Variants in NTN4 observed in about 807,000 individuals in gnomAD.
NTN4 encodes the protein netrin 4.
NTN4 carries 32 observed loss-of-function variants against 73.6 expected under a neutral mutation model. The ratio of observed to expected loss-of-function variants is 0.44; its 90% CI spans 0.33 to 0.58. NTN4 has a LOEUF of 0.58. NTN4 is among the 20% of genes least tolerant of loss of function. The probability of loss-of-function intolerance (pLI) is 0.04; values close to 1 mark genes in which losing one functional copy is unlikely to be tolerated. For synonymous variants in NTN4, 258 were observed against 287.5 expected, an observed-to-expected ratio of 0.90 and a Z score of 1.04; for missense variants, 654 against 798.3, an observed-to-expected ratio of 0.82 and a Z score of 2.18.
Position 95,670,132 on chromosome 12 carries a change from T to C in NTN4, c.1525A>G (p.Lys509Glu). 2 of 1,590,872 alleles carry C rather than the reference T, an allele frequency of 1.3e-6. No individual in the cohort carries two copies. Among genetic ancestry groups the C allele is most frequent in the Non-Finnish European group, 8.6e-7 (1 of 1,164,964 alleles). The change falls in exon 8 of 10, where the codon AAG becomes GAG. Residue 509 changes from lysine to glutamate, a missense_variant. Physicochemically the swap from Lys to Glu is moderately conservative, Grantham distance 56. Coordinates refer to ENST00000343702, the MANE Select transcript of NTN4 (RefSeq NM_021229.4). Reference protein sequence around the residue: ...ALLHSGKCECKEQTLGNAKAF... With the variant: ...ALLHSGKCECEEQTLGNAKAF... ...TTGGCATTTCCTAATGTCTGTTCCT[T>C]ACATTCGCATTTACCTATGGAAAGT...
chr12:95,716,532 A>G (rs762216935), intron 3 of NTN4, among the ~76,000 whole-genome samples: 13 of 152,056 alleles, frequency 8.5e-5, no homozygotes, highest in East Asian at 1.9e-4. Flanking sequence ...TATATTAAAT[A>G]TACTTTCTTT....
intron 5 of NTN4, among the ~76,000 whole-genome samples, chr12:95,709,757 T>C (rs1055372984): frequency 9.9e-5 from 15 of 152,170 alleles, no homozygotes; most frequent in Non-Finnish European, 1.9e-4. Context: ...GGTCTCGAAC[T>C]TGTAAGCTCA....
chr12:95,689,000 T>C (rs1470041441), intron 5 of NTN4, among the ~76,000 whole-genome samples: 1 of 152,124 alleles, frequency 6.6e-6, no homozygotes, highest in African/African-American at 2.4e-5. Context: ...CAATAATCAT[T>C]AGAGCCAAGG....
At chr12:95,747,703 C>G (rs1283807091) in intron 2 of NTN4, among the ~76,000 whole-genome samples, 1 of 152,018 alleles carries the variant, frequency 6.6e-6, no homozygotes, top group Non-Finnish European at 1.5e-5. Flanking sequence ...AATAATGTTA[C>G]TGAATGAGTG....
At chr12:95,739,110 G>A (rs1186428714) in intron 2 of NTN4, among the ~76,000 whole-genome samples, 13 of 152,160 alleles carry the variant, frequency 8.5e-5, no homozygotes, top group Admixed American at 8.5e-4. Flanking sequence ...GGTCACGTAT[G>A]TATCCCAGGA....
chr12:95,736,492 A>G (rs2078778698), intron 3 of NTN4, among the ~76,000 whole-genome samples: 2 of 152,186 alleles, frequency 1.3e-5, no homozygotes. Flanking sequence ...ATGTCATGGC[A>G]AAATATTTTG....
chr12:95,777,392 T>A (rs1050896324), intron 2 of NTN4, among the ~76,000 whole-genome samples: 1 of 152,130 alleles, frequency 6.6e-6, no homozygotes, highest in Non-Finnish European at 1.5e-5. Flanking sequence ...TCAAGACCCA[T>A]CAGTGTGCTG....
Position 95,659,067 on chromosome 12 carries a change from T to G in NTN4, c.*19A>C. 1 of 1,599,992 alleles carries G rather than the reference T, an allele frequency of 6.3e-7. No individual in the cohort carries two copies. Among genetic ancestry groups the G allele is most frequent in the Non-Finnish European group, 8.5e-7 (1 of 1,175,126 alleles). ...TTTTGTACATAGACAAGTGCCATTA[T>G]GTGCTATCCATCTTAATGCTACTTG... On this transcript the variant is annotated 3_prime_UTR_variant, in exon 10 of 10. Transcript: ENST00000343702.
intron 2 of NTN4, among the ~76,000 whole-genome samples, chr12:95,738,771 A>G (rs1565902544): frequency 6.6e-6 from 1 of 152,242 alleles, no homozygotes; most frequent in Non-Finnish European, 1.5e-5. Context: ...ACTGTGTCAC[A>G]TGTCCAAGGT....
At chr12:95,663,248 G>A (rs546816926) in intron 9 of NTN4, 1 of 152,226 alleles carries the variant, frequency 6.6e-6, no homozygotes, top group African/African-American at 2.4e-5. Context: ...AAGTTAAATT[G>A]ATAAAAACAA....
chr12:95,745,630 CTG>C (rs1192737315), intron 2 of NTN4, among the ~76,000 whole-genome samples: 1 of 152,090 alleles, frequency 6.6e-6, no homozygotes, highest in African/African-American at 2.4e-5. Flanking sequence ...TGTGTCATTT[CTG>C]TGTCTGTTTC....
chr12:95,741,411 G>A (rs1486204529), intron 2 of NTN4, among the ~76,000 whole-genome samples: 1 of 24,988 alleles, frequency 4.0e-5, no homozygotes, highest in African/African-American at 1.0e-4. Flanking sequence ...AACCTATAAT[G>A]TAAATTATGT....
chr12:95,722,042 T>G (rs1388934380), intron 3 of NTN4, among the ~76,000 whole-genome samples: 1 of 151,446 alleles, frequency 6.6e-6, no homozygotes, highest in African/African-American at 2.4e-5. Context: ...ATTCCGAGAC[T>G]GCTTAAAGTT....
At chr12:95,748,708 T>C (rs1454208842) in intron 2 of NTN4, among the ~76,000 whole-genome samples, 1 of 152,166 alleles carries the variant, frequency 6.6e-6, no homozygotes, top group Non-Finnish European at 1.5e-5. Flanking sequence ...TGACCTCAGG[T>C]GATCCACCCA....
chr12:95,698,106 G>A (rs1006182780), intron 5 of NTN4, among the ~76,000 whole-genome samples: 10 of 152,168 alleles, frequency 6.6e-5, no homozygotes, highest in African/African-American at 2.4e-4. Flanking sequence ...TCATATAAGG[G>A]ACTTGAGCAT....
intron 7 of NTN4, chr12:95,672,578 T>C: frequency 6.6e-7 from 1 of 1,523,292 alleles, no homozygotes; most frequent in Non-Finnish European, 9.0e-7. Flanking sequence ...TGAGCGGCAC[T>C]ATGGGGGTCT....
At chr12:95,759,643 G>C (rs924018251) in intron 2 of NTN4, among the ~76,000 whole-genome samples, 25 of 152,018 alleles carry the variant, frequency 1.6e-4, no homozygotes, top group African/African-American at 5.3e-4. Context: ...GTGTATTTTA[G>C]TAAAGACGGG....
At position 95,672,178 on chromosome 12, in the gene NTN4, G is replaced by A. The variant is rs192363433; in HGVS notation, c.1511-2032C>T. ...TCTACAAAAAAGATTAAAAATTGTCGAGCACGCAGGCGCAATGGTCGGGTT... is the reference window on the plus strand; with the variant it reads ...TCTACAAAAAAGATTAAAAATTGTCAAGCACGCAGGCGCAATGGTCGGGTT... On this transcript the variant is annotated intron_variant, in intron 7 of 9. Coordinates refer to ENST00000343702, the MANE Select transcript of NTN4 (RefSeq NM_021229.4). 2.4e-3 allele frequency: 1,216 copies of A among 502,192 alleles called. 6 individuals are homozygous for A. The highest frequency in any genetic ancestry group is 2.8e-3 in the Non-Finnish European group (774 of 278,218). 31.1% of individuals were successfully genotyped at this position (502,192 alleles called of 1,614,324 possible).
chr12:95,725,129 TAGAA>T (rs987880730), intron 3 of NTN4, among the ~76,000 whole-genome samples: 1 of 152,052 alleles, frequency 6.6e-6, no homozygotes, highest in African/African-American at 2.4e-5. Context: ...TTAATAATTT[TAGAA>T]AGAGGCAGCA....
Sources: allele counts gnomAD v4.1 joint callset (sites outside exome capture counted in the v4.1 genomes callset), GRCh38; gene constraint gnomAD v4.1.1; transcripts MANE v1.5; gene names NCBI Gene and HGNC (gene_info 2026-07-23, HGNC 2026-07-21).